Variants in THOC2 observed in about 807,000 individuals in gnomAD.
The protein encoded by THOC2 is THO complex 2.
A neutral mutation model predicts 128.4 loss-of-function variants in THOC2; 10 were observed. The ratio of observed to expected loss-of-function variants is 0.08; its 90% CI spans 0.05 to 0.13. The LOEUF (loss-of-function observed/expected upper bound fraction) is 0.13, where lower values mean the gene tolerates loss of function less well. THOC2 is among the 10% of genes least tolerant of loss of function. The pLI, the probability that THOC2 is intolerant of heterozygous loss-of-function variation, is 1.00. For missense variants in THOC2, 535 were observed against 1,155.7 expected, an observed-to-expected ratio of 0.46 and a Z score of 7.79; for synonymous variants, 393 against 396.9, an observed-to-expected ratio of 0.99 and a Z score of 0.12.
chrX:123,638,678 G>C (rs1437283522), intron 17 of THOC2, among the ~76,000 whole-genome samples: 1 of 105,998 alleles, frequency 9.4e-6, no homozygotes, highest in East Asian at 3.0e-4. Context: ...AAAAAAAAAA[G>C]TTGGTAAGCC....
In THOC2 at chrX:123,707,965, T is replaced by TA. The variant is rs770586957; in HGVS notation, c.131-1017dup. Among the ~76,000 whole-genome samples, 631 of 85,480 alleles carry TA rather than the reference T, an allele frequency of 7.4e-3. 5 individuals carry two copies. Among genetic ancestry groups the TA allele is most frequent in the Middle Eastern group, 0.023 (4 of 173 alleles). 74.2% of individuals were successfully genotyped at this position (85,480 alleles called of 115,157 possible). On this transcript the variant is annotated intron_variant, in intron 2 of 38. Coordinates refer to ENST00000245838, the MANE Select transcript of THOC2 (RefSeq NM_001081550.2). ...CAACATAGGGAGACCTCATCTCTAC[T>TA]AAAAAAAAAAAAAAAAATTAGCCAG...
chrX:123,682,373 C>G (rs1340771021), intron 8 of THOC2, among the ~76,000 whole-genome samples: 1 of 111,601 alleles, frequency 9.0e-6, no homozygotes, highest in Non-Finnish European at 1.9e-5. Flanking sequence ...GCTCTGTGAT[C>G]TCATCCCCCA....
At chrX:123,616,788 C>CT (rs1169645042) in intron 33 of THOC2, among the ~76,000 whole-genome samples, 1 of 109,657 alleles carries the variant, frequency 9.1e-6, no homozygotes, top group East Asian at 2.8e-4. Flanking sequence ...AAAGGGTGAA[C>CT]TGACAGAAAA....
At chrX:123,679,354 CTATT>C (rs940508144) in intron 8 of THOC2, among the ~76,000 whole-genome samples, 1 of 111,565 alleles carries the variant, frequency 9.0e-6, no homozygotes, top group African/African-American at 3.3e-5. Context: ...ATTCCTTCCT[CTATT>C]TAGCTTCCAA....
intron 8 of THOC2, among the ~76,000 whole-genome samples, chrX:123,680,090 T>G (rs2049696260): frequency 1.8e-5 from 2 of 111,367 alleles, no homozygotes; most frequent in South Asian, 7.8e-4. Flanking sequence ...GTAAAGGGTC[T>G]GTGCTGAAGA....
chrX:123,655,982 C>T (rs1403032751), intron 12 of THOC2, among the ~76,000 whole-genome samples: 1 of 109,028 alleles, frequency 9.2e-6, no homozygotes, highest in Non-Finnish European at 1.9e-5. Context: ...TGCACCACTG[C>T]ACTCTAGCCT....
chrX:123,656,351 A>AG (rs1215143939), intron 12 of THOC2, among the ~76,000 whole-genome samples: 152 of 104,297 alleles, frequency 1.5e-3, no homozygotes, highest in Middle Eastern at 5.1e-3. Context: ...AAAAAAAAAA[A>AG]AAGAGAGAGA....
chrX:123,640,518 A>G lies in THOC2; in HGVS notation c.1746+20T>C. 1 of 1,115,665 alleles carries G rather than the reference A, an allele frequency of 9.0e-7. No individual in the cohort carries two copies. The highest frequency in any genetic ancestry group is 1.2e-6 in the Non-Finnish European group (1 of 827,225). 91.9% of individuals were successfully genotyped at this position (1,115,665 alleles called of 1,213,427 possible). ...ACAGAAAGAAAAATCCCTTAAAATA[A>G]TATTAACCTCAAAACATACATAATC... is the stretch of plus-strand genomic sequence containing the variant. On this transcript the variant is annotated intron_variant, in intron 16 of 38. Transcript: ENST00000245838.
chrX:123,614,117 T>A lies in THOC2; in HGVS notation c.4384A>T (p.Lys1462Ter). Residue 1462 changes from lysine to a stop codon, truncating the protein, a stop_gained, in exon 34 of 39, where the codon AAG becomes TAG. Transcript: ENST00000245838. LOFTEE classifies it high-confidence loss of function. ...EREMDKKDLDKSRERSREREK... is the reference protein window; with the variant it reads ...EREMDKKDLD ...CTTTCTCTGGATCTTTCCCTTGACT[T>A]GTCCAAATCTTTCTTGTCCATTTCT... The A allele has an allele frequency of 8.3e-7, 1 of 1,205,950 alleles. No homozygotes were observed. The highest frequency in any genetic ancestry group is 3.0e-5 in the East Asian group (1 of 33,796).
At position 123,706,844 on chromosome X, in the gene THOC2, A is replaced by T; in HGVS notation, c.222+14T>A. The T allele has an allele frequency of 1.1e-6, 1 of 930,513 alleles. No homozygotes were observed. Among genetic ancestry groups the T allele is most frequent in the Non-Finnish European group, 1.5e-6 (1 of 689,591 alleles). 76.7% of individuals were successfully genotyped at this position (930,513 alleles called of 1,213,427 possible). On this transcript the variant is annotated intron_variant, in intron 3 of 38. Coordinates refer to ENST00000245838, the MANE Select transcript of THOC2 (RefSeq NM_001081550.2). ...ATAACAACTATTAACTTAAAAAAAT[A>T]TATACATACTTACACTAATGTCACT...
intron 32 of THOC2, 165 bp from the exon 33 acceptor site, chrX:123,619,601 G>C: frequency 2.1e-6 from 1 of 473,906 alleles, no homozygotes; most frequent in African/African-American, 2.4e-5. Flanking sequence ...AAAAAAACAT[G>C]TAATGGAATT....
At chrX:123,730,022 C>A (rs182826280) in intron 1 of THOC2, among the ~76,000 whole-genome samples, 23 of 111,970 alleles carry the variant, frequency 2.1e-4, no homozygotes, top group Admixed American at 2.8e-4. Context: ...ATTTTAAATT[C>A]TCTTCCTGTA....
intron 22 of THOC2, among the ~76,000 whole-genome samples, chrX:123,630,219 T>G (rs1274463456): frequency 8.9e-6 from 1 of 112,057 alleles, no homozygotes; most frequent in African/African-American, 3.2e-5. Flanking sequence ...GACATAACAG[T>G]TCTACATTTC....
intron 8 of THOC2, among the ~76,000 whole-genome samples, chrX:123,674,483 A>G (rs892401567): frequency 8.9e-6 from 1 of 112,013 alleles, no homozygotes; most frequent in African/African-American, 3.2e-5. Context: ...TATACACAGT[A>G]TGTAACTGGA....
chrX:123,608,536 C>T (rs1018608251), intron 38 of THOC2, among the ~76,000 whole-genome samples: 12 of 110,999 alleles, frequency 1.1e-4, no homozygotes, highest in African/African-American at 3.6e-4. Flanking sequence ...CCAGCCTGGC[C>T]AACATGGTGA....
intron 8 of THOC2, among the ~76,000 whole-genome samples, chrX:123,683,750 G>A (rs1007229109): frequency 8.2e-5 from 9 of 110,120 alleles, no homozygotes; most frequent in African/African-American, 9.9e-5. Flanking sequence ...ACAGGCATGC[G>A]CCACCACACC....
chrX:123,706,373 C>CT (rs202083719), intron 3 of THOC2, among the ~76,000 whole-genome samples: 6 of 109,430 alleles, frequency 5.5e-5, no homozygotes, highest in East Asian at 5.7e-4. Flanking sequence ...TTAATTTCTT[C>CT]TTTTTTTTTA....
At chrX:123,713,251 T>C (rs192034213) in intron 1 of THOC2, among the ~76,000 whole-genome samples, 244 of 110,905 alleles carry the variant, frequency 2.2e-3, no homozygotes, top group African/African-American at 7.3e-3. Context: ...GGCGGGAGGA[T>C]TGCCTGAGCT....
chrX:123,610,829 G>T, intron 38 of THOC2, 89 bp downstream of exon 38: 1 of 810,238 alleles, frequency 1.2e-6, no homozygotes, highest in South Asian at 2.5e-5. Flanking sequence ...AGTAGTTGTA[G>T]CTTGTAAAAT....
Sources: allele counts gnomAD v4.1 joint callset (sites outside exome capture counted in the v4.1 genomes callset), GRCh38; gene constraint gnomAD v4.1.1; transcripts MANE v1.5; gene names NCBI Gene and HGNC (gene_info 2026-07-23, HGNC 2026-07-21).